RBM10: variants seen among roughly 807,000 people sequenced by gnomAD.
RBM10 encodes the protein RNA-binding protein 10.
In RBM10, 1 loss-of-function variant was observed where a neutral mutation model predicts 84.9. That is an observed-to-expected ratio of 0.01 (90% CI 0.00 to 0.06). The LOEUF (loss-of-function observed/expected upper bound fraction) is 0.06. Among genes scored for constraint, RBM10 ranks in the 10% least tolerant of loss-of-function variants. The pLI is 1.00. For synonymous variants in RBM10, 326 were observed against 344.5 expected (o/e 0.95, Z 0.60); for missense variants, 438 against 839.0 (o/e 0.52, Z 5.90).
chrX:47,145,662 T>TTTG, intron 1 of RBM10, 177 bp downstream of exon 1: 1 of 345,630 alleles, frequency 2.9e-6, no homozygotes, highest in Non-Finnish European at 4.5e-6. Flanking sequence ...TTTTTTTTTT[T>TTTG]GGTGTGAGCA....
At chrX:47,161,293 T>G (rs1933658141) in intron 2 of RBM10, among the ~76,000 whole-genome samples, 1 of 110,863 alleles carries the variant, frequency 9.0e-6, no homozygotes, top group Admixed American at 9.7e-5. Flanking sequence ...GGCTATAGTT[T>G]GCTGATTCCT....
At position 47,181,575 on chromosome X, in the gene RBM10, G is replaced by A. The variant is rs1556779486; in HGVS notation, c.1504G>A (p.Gly502Ser). Residue 502 changes from glycine to serine, a missense_variant, in exon 14 of 24, where the codon GGT becomes AGT. Around this residue, in one of 8 missense-constraint regions of RBM10, gnomAD observed 97 missense variants for 110.3 expected, o/e 0.88. Transcript: ENST00000377604. ...SMQAFSRAQPGAAPGIYQQSA... is the reference protein window; with the variant it reads ...SMQAFSRAQPSAAPGIYQQSA... Reference sequence around the variant, plus strand: ...GCAGGCTTTCTCTCGCGCCCAGCCTGGTGCTGCTCCTGGCATCTACCAACA... The same window carrying A: ...GCAGGCTTTCTCTCGCGCCCAGCCTAGTGCTGCTCCTGGCATCTACCAACA... 12 of 1,208,719 alleles carry A rather than the reference G, an allele frequency of 9.9e-6. No homozygotes were observed.
intron 2 of RBM10, among the ~76,000 whole-genome samples, chrX:47,167,853 A>G (rs1934348963): frequency 8.9e-6 from 1 of 112,394 alleles, no homozygotes; most frequent in Non-Finnish European, 1.9e-5. Context: ...CAAGTTTTTC[A>G]GTTGATTCTC....
At chrX:47,158,252 G>T in intron 2 of RBM10, 1 of 160,202 alleles carries the variant, frequency 6.2e-6, no homozygotes, top group South Asian at 1.1e-4. Context: ...CATAGGCTGA[G>T]TCTGTTGGCC....
At chrX:47,165,491 G>A (rs1934105229) in intron 2 of RBM10, among the ~76,000 whole-genome samples, 1 of 97,390 alleles carries the variant, frequency 1.0e-5, no homozygotes, top group Non-Finnish European at 2.0e-5. Context: ...CTCCAGCCTG[G>A]GCAACAAGAG....
intron 4 of RBM10, among the ~76,000 whole-genome samples, chrX:47,171,646 T>C (rs907304979): frequency 5.3e-5 from 6 of 112,652 alleles, no homozygotes; most frequent in Admixed American, 2.8e-4. Context: ...CCTGTAACCA[T>C]TGGGGGAGGG....
At chrX:47,183,380 G>A (rs1935675546) in intron 17 of RBM10, among the ~76,000 whole-genome samples, 1 of 111,024 alleles carries the variant, frequency 9.0e-6, no homozygotes, top group African/African-American at 3.3e-5. Context: ...AATTAGCCAG[G>A]CGTGGTGGCA....
At chrX:47,170,519 C>T (rs1453742870) in intron 3 of RBM10, among the ~76,000 whole-genome samples, 1 of 112,859 alleles carries the variant, frequency 8.9e-6, no homozygotes, top group Non-Finnish European at 1.9e-5. Context: ...TGTCTGCAGC[C>T]CTCACACCAC....
At chrX:47,170,767 G>T (rs781921434) in intron 3 of RBM10, among the ~76,000 whole-genome samples, 1 of 112,077 alleles carries the variant, frequency 8.9e-6, no homozygotes, top group Non-Finnish European at 1.9e-5. Flanking sequence ...AGCTACCTTT[G>T]GGAGTTCCCC....
At chrX:47,153,700 C>T (rs1932888160) in intron 2 of RBM10, among the ~76,000 whole-genome samples, 2 of 111,898 alleles carry the variant, frequency 1.8e-5, no homozygotes, top group South Asian at 7.4e-4. Flanking sequence ...AGCCTCATTA[C>T]ATGAATTGGG....
intron 4 of RBM10, 131 bp from the exon 5 acceptor site, chrX:47,172,997 T>C: frequency 8.6e-7 from 1 of 1,157,451 alleles, no homozygotes; most frequent in South Asian, 1.9e-5. Context: ...AGGGAAAAGC[T>C]GCGAAAGAGG....
intron 2 of RBM10, among the ~76,000 whole-genome samples, chrX:47,164,771 T>C (rs1023080039): frequency 6.3e-5 from 7 of 111,641 alleles, no homozygotes; most frequent in African/African-American, 2.3e-4. Context: ...CTCCTAGATA[T>C]ATACCCAAAA....
At chrX:47,179,810 T>TG (rs1257984920) in intron 9 of RBM10, 70 bp from the exon 10 acceptor site, 15 of 1,113,703 alleles carry the variant, frequency 1.3e-5, no homozygotes, top group Admixed American at 1.0e-4. Context: ...AAGGGAGCAG[T>TG]GGGGGCATTG....
intron 15 of RBM10, 22 bp from the exon 16 acceptor site, chrX:47,181,929 C>A (rs781948317): frequency 1.7e-6 from 2 of 1,210,894 alleles, no homozygotes; most frequent in South Asian, 1.8e-5. Flanking sequence ...AATAGTGTGA[C>A]CCCGTTCCCC....
chrX:47,186,345 C>T lies in RBM10; in HGVS notation c.2625C>T (p.Ser875=), dbSNP rs782437810. The T allele has an allele frequency of 2.8e-5, 34 of 1,197,298 alleles. No homozygotes were observed. The highest frequency in any genetic ancestry group is 2.3e-4 in the Middle Eastern group (1 of 4,362). Residue 875 remains serine (S), a synonymous_variant, in exon 23 of 24, where the codon AGC becomes AGT. Transcript: ENST00000377604. ...MLQAMGWKEG[S]GLGRKKQGIV... ...AGGCCATGGGCTGGAAAGAGGGCAG[C>T]GGCCTGGGCCGCAAGAAGCAGGGCA...
intron 1 of RBM10, among the ~76,000 whole-genome samples, chrX:47,145,959 C>T (rs1206008838): frequency 9.6e-6 from 1 of 103,879 alleles, no homozygotes; most frequent in African/African-American, 3.6e-5. Flanking sequence ...GGGGGGCGGT[C>T]TGTGACTCTG....
chrX:47,161,555 G>GAGAA (rs1933698802), intron 2 of RBM10, among the ~76,000 whole-genome samples: 1 of 95,893 alleles, frequency 1.0e-5, no homozygotes, highest in African/African-American at 3.9e-5. Context: ...GAGAGAGAGA[G>GAGAA]AGAGAGGGTC....
intron 3 of RBM10, 98 bp downstream of exon 3, chrX:47,169,596 C>T: frequency 1.1e-6 from 1 of 916,804 alleles, no homozygotes; most frequent in South Asian, 2.2e-5. Context: ...CTCTCCACTC[C>T]CGTGCCTTCA....
At chrX:47,176,452 G>A (rs200590713) in intron 6 of RBM10, 48 bp from the exon 7 acceptor site, 59 of 1,206,680 alleles carry the variant, frequency 4.9e-5, no homozygotes, top group Admixed American at 6.6e-5. Flanking sequence ...GAAACGGTGC[G>A]TGGGGCACTG....
Sources: allele counts gnomAD v4.1 joint callset (sites outside exome capture counted in the v4.1 genomes callset), GRCh38; gene constraint gnomAD v4.1.1; regional missense constraint gnomAD v4.1.1; transcripts MANE v1.5; gene names NCBI Gene and HGNC (gene_info 2026-07-23, HGNC 2026-07-21).